Variants in EFNA5 observed in about 807,000 individuals in gnomAD.
EFNA5 encodes the protein ephrin A5, also known as ephrin-A5.
A neutral mutation model predicts 22.9 loss-of-function variants in EFNA5; 5 were observed. That is an observed-to-expected ratio of 0.22 (90% CI 0.11 to 0.46). The LOEUF (loss-of-function observed/expected upper bound fraction) is 0.46, where lower values mean the gene tolerates loss of function less well. Among genes scored for constraint, EFNA5 ranks in the 20% least tolerant of loss-of-function variants. The pLI is 0.99. For synonymous variants in EFNA5, 113 were observed against 112.2 expected, an observed-to-expected ratio of 1.01 and a Z score of -0.04; for missense variants, 237 against 293.3, an observed-to-expected ratio of 0.81 and a Z score of 1.40.
intron 1 of EFNA5, among the ~76,000 whole-genome samples, chr5:107,555,103 T>C (rs1411530434): frequency 6.6e-6 from 1 of 152,194 alleles, no homozygotes; most frequent in Admixed American, 6.5e-5. Flanking sequence ...TTGTCTAACA[T>C]ATCCTGCAGA....
intron 1 of EFNA5, among the ~76,000 whole-genome samples, chr5:107,529,790 A>G (rs1747771379): frequency 6.6e-6 from 1 of 152,160 alleles, no homozygotes; most frequent in Non-Finnish European, 1.5e-5. Context: ...TTCCCTCCAC[A>G]ACAAAGTATT....
intron 1 of EFNA5, among the ~76,000 whole-genome samples, chr5:107,471,955 T>C (rs1356194771): frequency 6.6e-6 from 1 of 152,202 alleles, no homozygotes; most frequent in African/African-American, 2.4e-5. Context: ...TATATCCATG[T>C]CCATACGTTT....
At chr5:107,579,994 G>A (rs1749009305) in intron 1 of EFNA5, among the ~76,000 whole-genome samples, 1 of 152,096 alleles carries the variant, frequency 6.6e-6, no homozygotes, top group South Asian at 2.1e-4. Flanking sequence ...AGCATTTCCT[G>A]GACTTTCAAG....
At chr5:107,616,396 T>C (rs901394927) in intron 1 of EFNA5, among the ~76,000 whole-genome samples, 2 of 152,128 alleles carry the variant, frequency 1.3e-5, no homozygotes, top group Non-Finnish European at 2.9e-5. Context: ...CTGATGACAC[T>C]AACATAATTC....
intron 1 of EFNA5, among the ~76,000 whole-genome samples, chr5:107,443,380 C>T (rs1424457413): frequency 6.6e-6 from 1 of 152,186 alleles, no homozygotes; most frequent in Admixed American, 6.5e-5. Context: ...CAGTGCCAGG[C>T]ACTTGCTGTC....
At chr5:107,570,078 A>T (rs1376573606) in intron 1 of EFNA5, among the ~76,000 whole-genome samples, 1 of 152,130 alleles carries the variant, frequency 6.6e-6, no homozygotes, top group African/African-American at 2.4e-5. Flanking sequence ...GTATCTGTTT[A>T]ACACCAAACT....
At chr5:107,438,898 C>T (rs1388235224) in intron 1 of EFNA5, among the ~76,000 whole-genome samples, 1 of 152,208 alleles carries the variant, frequency 6.6e-6, no homozygotes, top group Admixed American at 6.5e-5. Context: ...GAGGTCCTCC[C>T]TGCAACCATC....
chr5:107,610,433 T>G (rs929420331), intron 1 of EFNA5, among the ~76,000 whole-genome samples: 1 of 152,198 alleles, frequency 6.6e-6, no homozygotes, highest in African/African-American at 2.4e-5. Context: ...CGACTGTTAG[T>G]TTATATACTA....
chr5:107,545,810 C>T (rs781222453), intron 1 of EFNA5, among the ~76,000 whole-genome samples: 11 of 152,168 alleles, frequency 7.2e-5, no homozygotes, highest in Non-Finnish European at 1.6e-4. Context: ...AAAAGCAACT[C>T]AAACTTTTGG....
chr5:107,468,386 G>A (rs933622027), intron 1 of EFNA5, among the ~76,000 whole-genome samples: 4 of 152,192 alleles, frequency 2.6e-5, no homozygotes, highest in African/African-American at 9.6e-5. Flanking sequence ...GTGTTTATAA[G>A]AAATAAAGCT....
In EFNA5 at chr5:107,569,555, ATATT is replaced by A. The variant is rs1396032656; in HGVS notation, c.125+100930_125+100933del. Among the ~76,000 whole-genome samples, 330 of 100,076 alleles carry A rather than the reference ATATT, an allele frequency of 3.3e-3. 3 individuals carry two copies. Among genetic ancestry groups the A allele is most frequent in the Middle Eastern group, 0.011 (2 of 186 alleles). The allele number at this position is 100,076 out of a possible 152,430, so 65.7% of individuals were successfully genotyped here. On this transcript the variant is annotated intron_variant, in intron 1 of 4. Transcript: ENST00000333274. ...TTTATATATATATGTGTGTATATAT[ATATT>A]TATATATATATATATATATATATAT... is the stretch of plus-strand genomic sequence containing the variant.
intron 1 of EFNA5, among the ~76,000 whole-genome samples, chr5:107,458,947 A>G (rs1749766102): frequency 6.6e-6 from 1 of 152,188 alleles, no homozygotes; most frequent in Non-Finnish European, 1.5e-5. Context: ...TTGATTCTCT[A>G]TAAAGGATTT....
At chr5:107,633,436 G>A (rs192890301) in intron 1 of EFNA5, among the ~76,000 whole-genome samples, 6 of 152,186 alleles carry the variant, frequency 3.9e-5, no homozygotes, top group Non-Finnish European at 5.9e-5. Context: ...GCATCCTGGC[G>A]GTAGCCAGCA....
intron 1 of EFNA5, among the ~76,000 whole-genome samples, chr5:107,480,821 C>T (rs1474515017): frequency 2.0e-5 from 3 of 152,038 alleles, no homozygotes; most frequent in Non-Finnish European, 4.4e-5. Flanking sequence ...GTGGAAGGAA[C>T]GAGCAATGGG....
chr5:107,442,694 C>T (rs1749286639), intron 1 of EFNA5, among the ~76,000 whole-genome samples: 1 of 151,836 alleles, frequency 6.6e-6, no homozygotes, highest in African/African-American at 2.4e-5. Context: ...GTACTGATTA[C>T]AGTTAACCAT....
intron 1 of EFNA5, among the ~76,000 whole-genome samples, chr5:107,623,257 C>T (rs164691): frequency 0.16 from 23,929 of 151,904 alleles, 2,281 homozygotes; most frequent in Admixed American, 0.22. Context: ...ATTCATCTCT[C>T]TGAATAATCA....
At chr5:107,493,354 TA>T (rs932969842) in intron 1 of EFNA5, among the ~76,000 whole-genome samples, 4 of 149,064 alleles carry the variant, frequency 2.7e-5, no homozygotes, top group East Asian at 2.0e-4. Context: ...AATTACTGAT[TA>T]AAAAAAAAAG....
At chr5:107,531,121 A>G (rs1488279261) in intron 1 of EFNA5, among the ~76,000 whole-genome samples, 1 of 152,208 alleles carries the variant, frequency 6.6e-6, no homozygotes, top group African/African-American at 2.4e-5. Context: ...TGTCAACTAC[A>G]CAAGAGTCAA....
chr5:107,545,735 T>C (rs755020590), intron 1 of EFNA5, among the ~76,000 whole-genome samples: 7 of 152,184 alleles, frequency 4.6e-5, no homozygotes, highest in Non-Finnish European at 4.4e-5. Context: ...GGGAGTTTTG[T>C]TGGCAAGAAG....
Sources: gnomAD v4.1 joint callset for allele counts (sites outside exome capture counted in the v4.1 genomes callset) on GRCh38, gnomAD v4.1.1 for gene constraint, MANE v1.5 for transcripts, NCBI Gene and HGNC (gene_info 2026-07-23, HGNC 2026-07-21) for gene names.